Variants in DEPDC7 observed in about 807,000 individuals in gnomAD.
DEPDC7 encodes DEP domain containing 7, also known as DEP domain-containing protein 7.
Under a neutral mutation model 56.6 loss-of-function variants are expected in DEPDC7, and 41 were observed. That is an observed-to-expected ratio of 0.72 (90% CI 0.56 to 0.94). The LOEUF (loss-of-function observed/expected upper bound fraction) is 0.94, where lower values mean the gene tolerates loss of function less well. Among genes scored for constraint, DEPDC7 ranks in the 40% least tolerant of loss-of-function variants. DEPDC7 has a pLI of 0.00. For missense variants in DEPDC7, 522 were observed against 596.3 expected, an observed-to-expected ratio of 0.88 and a Z score of 1.30; for synonymous variants, 185 against 208.8, an observed-to-expected ratio of 0.89 and a Z score of 0.98.
intron 1 of DEPDC7, among the ~76,000 whole-genome samples, chr11:33,024,529 A>T (rs1405023012): frequency 7.5e-6 from 1 of 133,432 alleles, no homozygotes; most frequent in East Asian, 2.4e-4. Flanking sequence ...TTGTGCAAAC[A>T]TCATAGAGTA....
chr11:33,030,052 C>T lies in DEPDC7; in HGVS notation c.782+1260C>T, dbSNP rs188297316. Among the ~76,000 whole-genome samples the T allele has an allele frequency of 8.2e-3, 1,245 of 152,172 alleles. 9 individuals carry two copies. The highest frequency in any genetic ancestry group is 0.024 in the Middle Eastern group (7 of 292). On this transcript the variant is annotated intron_variant, in intron 4 of 8. Transcript: ENST00000241051. ...TCAGCTCCCTGCAGCCTCCGCCTCC[C>T]GGGTTCAAGCGATTCTTCTGCCTCA... is the stretch of plus-strand genomic sequence containing the variant.
chr11:33,023,465 CAACGTAAGAGATG>C (rs1853543520), intron 1 of DEPDC7, among the ~76,000 whole-genome samples: 1 of 152,116 alleles, frequency 6.6e-6, no homozygotes, highest in South Asian at 2.1e-4. Context: ...ATATTTATTG[CAACGTAAGAGATG>C]AATTTCAAAT....
chr11:33,018,895 C>G (rs1853494065), intron 1 of DEPDC7, among the ~76,000 whole-genome samples: 1 of 152,152 alleles, frequency 6.6e-6, no homozygotes, highest in African/African-American at 2.4e-5. Flanking sequence ...AGTGATACAT[C>G]TGTTAATTTC....
intron 1 of DEPDC7, among the ~76,000 whole-genome samples, chr11:33,019,622 C>G (rs888339094): frequency 1.3e-5 from 2 of 152,068 alleles, no homozygotes; most frequent in African/African-American, 4.8e-5. Context: ...GCCGAGATCA[C>G]ACCACTGCAT....
At chr11:33,026,816 A>G in intron 2 of DEPDC7, 1 of 145,218 alleles carries the variant, frequency 6.9e-6, no homozygotes, top group Non-Finnish European at 1.5e-5. Flanking sequence ...TGGAGACGGA[A>G]TCCCATTATG....
intron 5 of DEPDC7, 148 bp downstream of exon 5, chr11:33,031,737 AG>A (rs1853635292): frequency 8.7e-6 from 6 of 689,266 alleles, no homozygotes; most frequent in Non-Finnish European, 1.4e-5. Flanking sequence ...AAAAACTTCT[AG>A]GGGTCATTTG....
At chr11:33,020,723 G>A (rs1853515220) in intron 1 of DEPDC7, among the ~76,000 whole-genome samples, 2 of 152,220 alleles carry the variant, frequency 1.3e-5, no homozygotes, top group South Asian at 2.1e-4. Flanking sequence ...CTGTAACCTC[G>A]AACTCCTGGC....
At chr11:33,025,073 C>A (rs759168643) in intron 1 of DEPDC7, among the ~76,000 whole-genome samples, 1 of 152,016 alleles carries the variant, frequency 6.6e-6, no homozygotes, top group African/African-American at 2.4e-5. Flanking sequence ...CTTGATGTGT[C>A]CTCCTAACTC....
intron 4 of DEPDC7, among the ~76,000 whole-genome samples, chr11:33,031,013 C>T (rs1853627666): frequency 6.6e-6 from 1 of 152,226 alleles, no homozygotes; most frequent in South Asian, 2.1e-4. Flanking sequence ...GAACTCAGAT[C>T]TGAGATCTAG....
At chr11:33,023,699 A>G (rs187269548) in intron 1 of DEPDC7, among the ~76,000 whole-genome samples, 96 of 152,172 alleles carry the variant, frequency 6.3e-4, no homozygotes, top group African/African-American at 2.3e-3. Flanking sequence ...CGCCCGGCCA[A>G]TTTTTGTATT....
chr11:33,033,024 T>G, intron 8 of DEPDC7, 57 bp downstream of exon 8: 1 of 1,372,878 alleles, frequency 7.3e-7, no homozygotes, highest in Admixed American at 2.2e-5. Flanking sequence ...AGGTGTTTTT[T>G]GAAAATGTTT....
intron 2 of DEPDC7, chr11:33,026,729 A>G (rs1853581986): frequency 6.5e-6 from 1 of 152,952 alleles, no homozygotes; most frequent in African/African-American, 2.4e-5. Flanking sequence ...CTAGCCTCCC[A>G]GTAGCTGGGA....
intron 1 of DEPDC7, among the ~76,000 whole-genome samples, chr11:33,023,290 G>A (rs1853541966): frequency 6.6e-6 from 1 of 152,010 alleles, no homozygotes; most frequent in South Asian, 2.1e-4. Context: ...TGGGTAGGTG[G>A]TAAATTACCC....
intron 1 of DEPDC7, among the ~76,000 whole-genome samples, chr11:33,018,675 T>C (rs553722685): frequency 4.6e-5 from 7 of 152,316 alleles, no homozygotes; most frequent in African/African-American, 1.7e-4. Context: ...TAAAATAAAA[T>C]TTTAGATTCA....
At chr11:33,016,108 G>A (rs1428130405) in intron 1 of DEPDC7, 80 bp downstream of exon 1, 67 of 1,261,352 alleles carry the variant, frequency 5.3e-5, no homozygotes, top group Admixed American at 1.3e-4. Flanking sequence ...GGGGCGGGCG[G>A]CGTGGGGCGT....
In DEPDC7 at chr11:33,033,292, G is replaced by A. The variant is rs765081608; in HGVS notation, c.1373G>A (p.Arg458His). ...ATTTATTGCCAGAGAATTGATCAAC[G>A]TGACTATTCCAACAATACAGAGAAG... Reference protein sequence around the residue: ...GYIYCQRIDQRDYSNNTEKTT... With the variant: ...GYIYCQRIDQHDYSNNTEKTT... The change falls in exon 9 of 9, where the codon CGT becomes CAT. Residue 458 changes from arginine to histidine, a missense_variant. Physicochemically the swap from Arg to His is conservative, Grantham distance 29 (BLOSUM62 0). Coordinates refer to ENST00000241051, the MANE Select transcript of DEPDC7 (RefSeq NM_001077242.2). 8.1e-6 allele frequency: 13 copies of A among 1,598,736 alleles called. No homozygotes were observed. Among genetic ancestry groups the A allele is most frequent in the South Asian group, 1.1e-5 (1 of 87,624 alleles).
chr11:33,032,790 T>A lies in DEPDC7; in HGVS notation c.1260T>A (p.Phe420Leu), dbSNP rs745339728. The change falls in exon 7 of 9, where the codon TTT becomes TTA. Residue 420 changes from phenylalanine (F) to leucine (L), a missense_variant. Transcript: ENST00000241051. ...TAATGGATCATCAGAAAGATGTTTTTAAGGTAAAATTGTGAAAGTAGTTAA... is the reference window on the plus strand; with the variant it reads ...TAATGGATCATCAGAAAGATGTTTTAAAGGTAAAATTGTGAAAGTAGTTAA... The part of the protein sequence containing the change: ...LFLMDHQKDV[F>L]KIPGTLHKIV... The A allele has an allele frequency of 1.3e-6, 2 of 1,594,508 alleles. No individual in the cohort carries two copies. Among genetic ancestry groups the A allele is most frequent in the African/African-American group, 2.7e-5 (2 of 73,616 alleles).
intron 1 of DEPDC7, among the ~76,000 whole-genome samples, chr11:33,017,018 C>G (rs2133655328): frequency 6.6e-6 from 1 of 152,336 alleles, no homozygotes; most frequent in Non-Finnish European, 1.5e-5. Flanking sequence ...ATGGGTGCTT[C>G]TCAGTGGCCC....
intron 1 of DEPDC7, chr11:33,016,317 C>G (rs1853460378): frequency 1.4e-6 from 2 of 1,395,258 alleles, no homozygotes; most frequent in African/African-American, 2.9e-5. Context: ...TGTGCGCCCG[C>G]TAACGTGCCA....
Sources: allele counts gnomAD v4.1 joint callset (sites outside exome capture counted in the v4.1 genomes callset), GRCh38; gene constraint gnomAD v4.1.1; transcripts MANE v1.5; gene names NCBI Gene and HGNC (gene_info 2026-07-23, HGNC 2026-07-21).